TMEM229B: variants seen among roughly 807,000 people sequenced by gnomAD.
TMEM229B encodes the protein chromosome 14 open reading frame 83.
Under a neutral mutation model 13.7 loss-of-function variants are expected in TMEM229B, and 6 were observed. The ratio of observed to expected loss-of-function variants is 0.44; its 90% CI spans 0.24 to 0.86. The LOEUF is 0.86. Ranked by LOEUF, TMEM229B falls within the 40% of genes least tolerant of loss-of-function variation. TMEM229B has a pLI of 0.23. For missense variants in TMEM229B, 170 were observed against 236.0 expected, an observed-to-expected ratio of 0.72 and a Z score of 1.83; for synonymous variants, 107 against 102.1, an observed-to-expected ratio of 1.05 and a Z score of -0.29.
chr14:67,530,362 G>A (rs2033426368), intron 1 of TMEM229B, among the ~76,000 whole-genome samples: 1 of 152,144 alleles, frequency 6.6e-6, no homozygotes, highest in South Asian at 2.1e-4. Flanking sequence ...CCACTTAAGT[G>A]ATAAAGCTTA....
chr14:67,510,558 TA>T (rs1373428264), intron 1 of TMEM229B, among the ~76,000 whole-genome samples: 1 of 152,104 alleles, frequency 6.6e-6, no homozygotes, highest in Non-Finnish European at 1.5e-5. Flanking sequence ...TATGCCAAAC[TA>T]AAAGAAAAAG....
In TMEM229B at chr14:67,488,572, GA is replaced by G; in HGVS notation, c.-257del. The stretch of plus-strand genomic sequence containing the variant: ...CTTGACACGTACCTATCACCTTGAG[GA>G]AAAGGTTTTAACGGAGCATGTCCGA... On this transcript the variant is annotated 5_prime_UTR_variant, in exon 1 of 3. An upstream open reading frame in the 5' UTR loses its in-frame stop. Coordinates refer to ENST00000554480, the MANE Select transcript of TMEM229B (RefSeq NM_001348543.2). The G allele has an allele frequency of 6.6e-6, 1 of 152,428 alleles. No individual in the cohort carries two copies. Among genetic ancestry groups the G allele is most frequent in the Non-Finnish European group, 1.5e-5 (1 of 68,114 alleles). The allele number at this position is 152,428 out of a possible 1,614,324, so 9.4% of individuals were successfully genotyped here. A position where few individuals can be genotyped will look rare whatever the true frequency, so the allele number is the denominator to read the frequency against.
At chr14:67,490,377 C>T (rs75451859), upstream of TMEM229B, among the ~76,000 whole-genome samples, 679 of 152,270 alleles carry the variant, frequency 4.5e-3, 3 homozygotes, top group African/African-American at 0.016. Flanking sequence ...TCCAACATCA[C>T]GCAAGGAAGA....
chr14:67,493,606 A>G (rs1276017202), upstream of TMEM229B, among the ~76,000 whole-genome samples: 1 of 152,204 alleles, frequency 6.6e-6, no homozygotes, highest in African/African-American at 2.4e-5. Context: ...ACTGAGGGTC[A>G]GTGTGCTTTG....
At chr14:67,475,218 A>T (rs2031109573) in intron 2 of TMEM229B, among the ~76,000 whole-genome samples, 1 of 152,146 alleles carries the variant, frequency 6.6e-6, no homozygotes, top group Admixed American at 6.5e-5. Flanking sequence ...CCCAGCCAGA[A>T]TTTCCTTCCT....
intron 1 of TMEM229B, among the ~76,000 whole-genome samples, chr14:67,499,532 T>C (rs2032521204): frequency 1.3e-5 from 2 of 152,186 alleles, no homozygotes; most frequent in South Asian, 4.1e-4. Flanking sequence ...CAAAGATGTG[T>C]TTAGATGAAG....
At chr14:67,525,480 C>T (rs572254151) in intron 1 of TMEM229B, among the ~76,000 whole-genome samples, 29 of 152,076 alleles carry the variant, frequency 1.9e-4, no homozygotes, top group Non-Finnish European at 3.4e-4. Context: ...TTTTATTTTG[C>T]TGTTATTGCT....
intron 1 of TMEM229B, among the ~76,000 whole-genome samples, chr14:67,512,589 G>C (rs2140245895): frequency 6.6e-6 from 1 of 152,308 alleles, no homozygotes; most frequent in East Asian, 1.9e-4. Context: ...GGCTCTGGGA[G>C]GGTTAGCTAT....
At chr14:67,516,086 G>A (rs1252623059), upstream of TMEM229B, among the ~76,000 whole-genome samples, 1 of 152,142 alleles carries the variant, frequency 6.6e-6, no homozygotes, top group Non-Finnish European at 1.5e-5. Flanking sequence ...CCACAATACC[G>A]AACGTAGGAA....
At chr14:67,523,461 AG>A (rs1181052008) in intron 1 of TMEM229B, among the ~76,000 whole-genome samples, 2 of 152,380 alleles carry the variant, frequency 1.3e-5, no homozygotes, top group African/African-American at 4.8e-5. Flanking sequence ...TTATACAGGT[AG>A]GGTTATACAG....
intron 1 of TMEM229B, among the ~76,000 whole-genome samples, chr14:67,523,006 T>C (rs1204533643): frequency 6.6e-6 from 1 of 152,128 alleles, no homozygotes; most frequent in Non-Finnish European, 1.5e-5. Context: ...TACTGTGCTG[T>C]TTTGAGAACT....
intron 2 of TMEM229B, among the ~76,000 whole-genome samples, 181 bp from the exon 3 acceptor site, chr14:67,474,122 C>CAT (rs2031004789): frequency 6.6e-6 from 1 of 152,106 alleles, no homozygotes; most frequent in Non-Finnish European, 1.5e-5. Flanking sequence ...CGTGGTGGCC[C>CAT]GCTCCTGTAA....
upstream of TMEM229B, among the ~76,000 whole-genome samples, chr14:67,492,301 C>G (rs993213149): frequency 3.9e-5 from 6 of 152,200 alleles, no homozygotes; most frequent in African/African-American, 1.4e-4. Flanking sequence ...GGCCGCCGTC[C>G]CAGAGTGAGG....
chr14:67,499,959 G>A (rs1043892778), intron 1 of TMEM229B, among the ~76,000 whole-genome samples: 1 of 152,134 alleles, frequency 6.6e-6, no homozygotes, highest in African/African-American at 2.4e-5. Flanking sequence ...CCAGTGGAAG[G>A]TCCAGAAACA....
intron 1 of TMEM229B, among the ~76,000 whole-genome samples, chr14:67,504,629 G>A (rs1410219931): frequency 6.6e-6 from 1 of 152,178 alleles, no homozygotes; most frequent in Non-Finnish European, 1.5e-5. Context: ...GCTCACACCT[G>A]TAATCCCAGC....
upstream of TMEM229B, among the ~76,000 whole-genome samples, chr14:67,491,211 T>G (rs1418222101): frequency 2.0e-5 from 3 of 152,176 alleles, no homozygotes; most frequent in Admixed American, 1.3e-4. Context: ...AGGGTGCAGA[T>G]GAGCAACCAG....
rs568257303 is a variant in TMEM229B, at chr14:67,512,498, C to T, written c.-192+2588G>A. Among the ~76,000 whole-genome samples, 5 of 152,272 alleles carry T rather than the reference C, an allele frequency of 3.3e-5. No individual in the cohort carries two copies. The East Asian group carries it at 5.8e-4, about 18-fold the overall frequency. ...AATGTTCCTGCAATTCAAAAATACA[C>T]CCAGACCACCTTGTCTGTATATGGG... On this transcript the variant is annotated intron_variant, in intron 1 of 2. Transcript: ENST00000357461.
At chr14:67,478,923 A>C (rs536440961) in intron 2 of TMEM229B, among the ~76,000 whole-genome samples, 1 of 152,196 alleles carries the variant, frequency 6.6e-6, no homozygotes, top group African/African-American at 2.4e-5. Context: ...AAAAAGCAGG[A>C]TTCAAAACTG....
rs557694712 is a variant in TMEM229B, at chr14:67,529,425, G to A, written c.-192+4211C>T. Among the ~76,000 whole-genome samples the A allele has an allele frequency of 1.4e-3, 211 of 152,316 alleles. 1 individual carries two copies. The highest frequency in any genetic ancestry group is 1.3e-3 in the Non-Finnish European group (88 of 68,024). On this transcript the variant is annotated intron_variant, in intron 1 of 2. Coordinates refer to the TMEM229B transcript ENST00000554278. ...TTGCCACACTTTCCTTCCTAGCACAGTGGCTGGAAAATAGCAAGTATTCAA... is the reference window on the plus strand; with the variant it reads ...TTGCCACACTTTCCTTCCTAGCACAATGGCTGGAAAATAGCAAGTATTCAA...
Sources: gnomAD v4.1 joint callset for allele counts (sites outside exome capture counted in the v4.1 genomes callset) on GRCh38, gnomAD v4.1.1 for gene constraint, MANE v1.5 for transcripts, NCBI Gene and HGNC (gene_info 2026-07-23, HGNC 2026-07-21) for gene names.